The following SLC16A12 variants were observed in gnomAD, a reference collection of about 807,000 sequenced individuals.
The protein encoded by SLC16A12 is monocarboxylate transporter 12.
SLC16A12 carries 17 observed loss-of-function variants against 42.4 expected under a neutral mutation model. That is an observed-to-expected ratio of 0.40 (90% CI 0.27 to 0.60). The LOEUF is 0.60. Ranked by LOEUF, SLC16A12 falls within the 20% of genes least tolerant of loss-of-function variation. The probability of loss-of-function intolerance (pLI) is 0.42; values close to 1 mark genes in which losing one functional copy is unlikely to be tolerated. For synonymous variants in SLC16A12, 224 were observed against 229.4 expected (o/e 0.98, Z 0.21); for missense variants, 544 against 623.0 (o/e 0.87, Z 1.35).
chr10:89,535,967 T>G (rs1843653416), upstream of SLC16A12, among the ~76,000 whole-genome samples: 1 of 152,234 alleles, frequency 6.6e-6, no homozygotes. Flanking sequence ...GGACTCTGCC[T>G]GGCCGGCAAA....
At chr10:89,539,113 C>T (rs932961305), upstream of SLC16A12, among the ~76,000 whole-genome samples, 2 of 152,232 alleles carry the variant, frequency 1.3e-5, no homozygotes, top group Non-Finnish European at 2.9e-5. Flanking sequence ...CTCTACCCTA[C>T]TGCAAGTCTT....
chr10:89,503,911 C>A (rs1438854094), intron 2 of SLC16A12, among the ~76,000 whole-genome samples: 3 of 152,136 alleles, frequency 2.0e-5, no homozygotes, highest in Non-Finnish European at 2.9e-5. Flanking sequence ...AGCCAAAACC[C>A]CAGGGTATCA....
intron 2 of SLC16A12, among the ~76,000 whole-genome samples, chr10:89,519,985 C>CACGT (rs1305440772): frequency 1.4e-4 from 21 of 150,868 alleles, no homozygotes; most frequent in African/African-American, 4.9e-4. Context: ...TGGTGGTGGG[C>CACGT]GCCTGTAATC....
rs747686010 is a variant in SLC16A12 at position 89,439,052 on chromosome 10, C to T, written c.580G>A (p.Val194Ile). 1.9e-6 allele frequency: 3 copies of T among 1,613,556 alleles called. No homozygotes were observed. In the Admixed American group the frequency reaches 5.0e-5, roughly 27 times the overall value. ...GIGTFILAPV[V>I]QLLIEQFSWR... ...GAAAACTGTTCAATAAGGAGCTGAA[C>T]CACAGGAGCCAGGATGAAGGTGCCA... The change falls in exon 6 of 8, where the codon GTT becomes ATT. Residue 194 changes from valine (V) to isoleucine (I), a missense_variant. Transcript: ENST00000371790.
chr10:89,516,808 G>C (rs1017977240), intron 2 of SLC16A12, among the ~76,000 whole-genome samples: 1 of 152,176 alleles, frequency 6.6e-6, no homozygotes, highest in African/African-American at 2.4e-5. Flanking sequence ...TGGCCCTACT[G>C]ATATTTCCAG....
At chr10:89,473,989 C>G (rs1308645620) in intron 2 of SLC16A12, among the ~76,000 whole-genome samples, 1 of 152,192 alleles carries the variant, frequency 6.6e-6, no homozygotes, top group African/African-American at 2.4e-5. Flanking sequence ...CCATACCCAC[C>G]TATCCTATAA....
At chr10:89,470,842 C>T (rs1170099615) in intron 2 of SLC16A12, among the ~76,000 whole-genome samples, 1 of 152,126 alleles carries the variant, frequency 6.6e-6, no homozygotes. Context: ...ACTAGGAAAA[C>T]CTCTGCATGG....
chr10:89,475,998 C>A (rs562201927), intron 2 of SLC16A12, among the ~76,000 whole-genome samples: 1 of 152,096 alleles, frequency 6.6e-6, no homozygotes, highest in African/African-American at 2.4e-5. Context: ...AGAAGCTTGC[C>A]CCCAACTACA....
upstream of SLC16A12, among the ~76,000 whole-genome samples, chr10:89,539,889 C>CTTTCTTTCTTTA (rs1843702715): frequency 4.1e-5 from 6 of 146,858 alleles, no homozygotes; most frequent in Non-Finnish European, 8.9e-5. Context: ...TTCTTTCTTT[C>CTTTCTTTCTTTA]TTTCTTTCTT....
At chr10:89,490,107 G>A (rs1167581672) in intron 2 of SLC16A12, among the ~76,000 whole-genome samples, 1 of 152,180 alleles carries the variant, frequency 6.6e-6, no homozygotes, top group Non-Finnish European at 1.5e-5. Context: ...GAAGAGGAAT[G>A]TAAAAGTAGG....
chr10:89,438,121 T>C (rs1841833115), intron 6 of SLC16A12, among the ~76,000 whole-genome samples: 2 of 132,276 alleles, frequency 1.5e-5, no homozygotes, highest in South Asian at 5.3e-4. Flanking sequence ...CCGCCAGAAC[T>C]TGTAGTTACC....
intron 2 of SLC16A12, among the ~76,000 whole-genome samples, chr10:89,531,598 A>G (rs1281665209): frequency 6.6e-6 from 1 of 152,170 alleles, no homozygotes; most frequent in Non-Finnish European, 1.5e-5. Flanking sequence ...GGTTAATCCA[A>G]TGAGTTGTTT....
chr10:89,469,752 A>G (rs551189465), intron 2 of SLC16A12, among the ~76,000 whole-genome samples: 64 of 152,312 alleles, frequency 4.2e-4, no homozygotes, highest in African/African-American at 1.5e-3. Flanking sequence ...TCCTGCTGCT[A>G]TTTCCTCATT....
At chr10:89,542,401 C>G (rs1214187979) in intron 2 of SLC16A12, among the ~76,000 whole-genome samples, 4 of 150,372 alleles carry the variant, frequency 2.7e-5, no homozygotes, top group Non-Finnish European at 5.9e-5. Context: ...CTCCTGGACT[C>G]AAGTGATTCT....
chr10:89,506,635 G>C (rs554099234), intron 2 of SLC16A12, among the ~76,000 whole-genome samples: 1 of 152,164 alleles, frequency 6.6e-6, no homozygotes, highest in African/African-American at 2.4e-5. Context: ...GCGCAGAAAG[G>C]CTAAAAATTC....
At chr10:89,542,355 T>C (rs1589737836) in intron 2 of SLC16A12, among the ~76,000 whole-genome samples, 1 of 148,650 alleles carries the variant, frequency 6.7e-6, no homozygotes, top group Admixed American at 6.8e-5. Flanking sequence ...CAGGCTGGAG[T>C]GCAGTGGTGT....
intron 2 of SLC16A12, 188 bp from the exon 3 acceptor site, chr10:89,462,812 C>T: frequency 1.7e-6 from 1 of 594,132 alleles, no homozygotes; most frequent in Non-Finnish European, 2.7e-6. Context: ...AAAATAGAAC[C>T]TCTCAAATTG....
upstream of SLC16A12, among the ~76,000 whole-genome samples, chr10:89,537,804 C>T (rs1843689845): frequency 6.6e-6 from 1 of 152,214 alleles, no homozygotes; most frequent in African/African-American, 2.4e-5. Flanking sequence ...GTCTAAGTCA[C>T]CACTTACAGG....
Position 89,441,211 on chromosome 10 carries a change from T to G in SLC16A12, c.345A>C (p.Gln115His). The change falls in exon 5 of 8, where the codon CAA (glutamine) becomes CAC (histidine). Residue 115 changes from glutamine to histidine, a missense_variant. Physicochemically the swap from Gln to His is conservative, Grantham distance 24. Coordinates refer to ENST00000371790, the MANE Select transcript of SLC16A12 (RefSeq NM_213606.4). ...GSVVSNHLSC[Q>H]VGIMLGGLLA... ...GCAAGCCACCCAGCATGATTCCCAC[T>G]TGACAGGATAAATGGTTACTGACAA... is the stretch of plus-strand genomic sequence containing the variant. 1 of 1,613,964 alleles carries G rather than the reference T, an allele frequency of 6.2e-7. No homozygotes were observed. The highest frequency in any genetic ancestry group is 1.1e-5 in the South Asian group (1 of 91,066).
Sources: allele counts gnomAD v4.1 joint callset (sites outside exome capture counted in the v4.1 genomes callset), GRCh38; gene constraint gnomAD v4.1.1; transcripts MANE v1.5; gene names NCBI Gene and HGNC (gene_info 2026-07-23, HGNC 2026-07-21).